Variants in CADPS observed in about 807,000 individuals in gnomAD.
CADPS encodes calcium dependent secretion activator.
A neutral mutation model predicts 167.3 loss-of-function variants in CADPS; 57 were observed. The ratio of observed to expected loss-of-function variants is 0.34; its 90% CI spans 0.28 to 0.42. CADPS has a LOEUF of 0.42. CADPS is among the 20% of genes least tolerant of loss of function. CADPS has a pLI of 1.00. For synonymous variants in CADPS, 676 were observed against 635.3 expected (o/e 1.06, Z -0.96); for missense variants, 1,414 against 1,738.1 (o/e 0.81, Z 3.32).
chr3:62,414,469 C>T (rs766958019), intron 28 of CADPS, among the ~76,000 whole-genome samples: 1 of 152,202 alleles, frequency 6.6e-6, no homozygotes, highest in Non-Finnish European at 1.5e-5. Flanking sequence ...ATAACTCCTA[C>T]GTGGAACAGT....
Position 62,408,924 on chromosome 3 carries a change from G to A in CADPS, c.3778-5739C>T, listed in dbSNP as rs544973666. ...AGGACTTTAGAGTCTACTGTTTTCA[G>A]CAAAGTACTATTTTGTACAGGATTC... On this transcript the variant is annotated intron_variant, in intron 28 of 29. Coordinates refer to ENST00000383710, the MANE Select transcript of CADPS (RefSeq NM_003716.4). Among the ~76,000 whole-genome samples, 10 of 152,308 alleles carry A rather than the reference G, an allele frequency of 6.6e-5. No homozygotes were observed. The East Asian group carries it at 1.9e-3, about 29-fold the overall frequency.
chr3:62,649,021 C>T (rs1376479377), intron 5 of CADPS, among the ~76,000 whole-genome samples: 2 of 152,254 alleles, frequency 1.3e-5, no homozygotes, highest in Middle Eastern at 3.4e-3. Flanking sequence ...AAACTTAGCA[C>T]AGAAAAACAA....
chr3:62,749,119 T>C (rs995876074), intron 3 of CADPS, among the ~76,000 whole-genome samples: 2 of 152,230 alleles, frequency 1.3e-5, no homozygotes, highest in Non-Finnish European at 2.9e-5. Flanking sequence ...CTTTGGATAT[T>C]ATGTTGAGTA....
intron 1 of CADPS, among the ~76,000 whole-genome samples, chr3:62,869,374 T>C (rs959118338): frequency 2.6e-5 from 4 of 152,224 alleles, no homozygotes; most frequent in Non-Finnish European, 5.9e-5. Context: ...TTGTGCTGGG[T>C]TTCTGTCACT....
At chr3:62,699,878 G>A (rs536744465) in intron 3 of CADPS, among the ~76,000 whole-genome samples, 20 of 152,110 alleles carry the variant, frequency 1.3e-4, no homozygotes, top group Admixed American at 8.5e-4. Flanking sequence ...AAGTTGTATC[G>A]GAACACAGAC....
chr3:62,444,874 G>A (rs1025937152), intron 27 of CADPS, among the ~76,000 whole-genome samples: 9 of 152,106 alleles, frequency 5.9e-5, no homozygotes, highest in African/African-American at 1.2e-4. Context: ...ACTTAACCAC[G>A]TTCAGAATGA....
rs1324594615 is a variant in CADPS at position 62,478,766 on chromosome 3, A to G, written c.3174-350T>C. Among the ~76,000 whole-genome samples the G allele has an allele frequency of 1.3e-5, 2 of 152,232 alleles. No homozygotes were observed. Among genetic ancestry groups the G allele is most frequent in the Non-Finnish European group, 2.9e-5 (2 of 68,038 alleles). On this transcript the variant is annotated intron_variant, in intron 22 of 29. Coordinates refer to ENST00000383710, the MANE Select transcript of CADPS (RefSeq NM_003716.4). This position sits in a 1 kb window ranked among gnomAD's most constrained non-coding sequence, Gnocchi z 5.7. Reference sequence around the variant, plus strand: ...AAGGCCACGAACCAGGGGGAGAAATAGTCTCAACAGATAATAACTACATGG... The same window carrying G: ...AAGGCCACGAACCAGGGGGAGAAATGGTCTCAACAGATAATAACTACATGG...
chr3:62,709,486 G>A (rs1341886283), intron 3 of CADPS, among the ~76,000 whole-genome samples: 2 of 152,018 alleles, frequency 1.3e-5, no homozygotes, highest in Non-Finnish European at 2.9e-5. Context: ...ACCCTTATTG[G>A]GTTGTTGTTT....
intron 1 of CADPS, among the ~76,000 whole-genome samples, chr3:62,817,276 T>C (rs890279240): frequency 3.3e-5 from 5 of 152,160 alleles, no homozygotes; most frequent in Admixed American, 6.6e-5. Flanking sequence ...ATACACAGTA[T>C]TGAGAAAGGT....
rs1338840358 is a variant in CADPS, at chr3:62,601,354, G to A, written c.1326-8606C>T. On this transcript the variant is annotated intron_variant, in intron 6 of 29. Transcript: ENST00000383710. This position sits in a 1 kb window ranked among gnomAD's most constrained non-coding sequence, Gnocchi z 4.3. ...TGAGTAGTTATGACAGAGAATATAGGGCCAACAAACCGAAAATTTTTACTT... is the reference window on the plus strand; with the variant it reads ...TGAGTAGTTATGACAGAGAATATAGAGCCAACAAACCGAAAATTTTTACTT... 1.3e-5 allele frequency among the ~76,000 whole-genome samples: 2 copies of A among 152,022 alleles called. No individual in the cohort carries two copies. Among genetic ancestry groups the A allele is most frequent in the Non-Finnish European group, 2.9e-5 (2 of 67,990 alleles).
At chr3:62,817,671 T>C (rs1039485326) in intron 1 of CADPS, among the ~76,000 whole-genome samples, 5 of 152,204 alleles carry the variant, frequency 3.3e-5, no homozygotes, top group Admixed American at 2.6e-4. Context: ...CTCTTCTGTC[T>C]TTAAGCAGGT....
At chr3:62,747,257 T>C (rs2081656618) in intron 3 of CADPS, among the ~76,000 whole-genome samples, 1 of 152,162 alleles carries the variant, frequency 6.6e-6, no homozygotes, top group South Asian at 2.1e-4. Flanking sequence ...CAGTGAAAGA[T>C]CACTCATGCG....
At chr3:62,856,994 C>T (rs2079833172) in intron 1 of CADPS, among the ~76,000 whole-genome samples, 1 of 151,948 alleles carries the variant, frequency 6.6e-6, no homozygotes, top group South Asian at 2.1e-4. Flanking sequence ...GATTTTACTG[C>T]ATTCAAAAAT....
intron 10 of CADPS, among the ~76,000 whole-genome samples, chr3:62,556,519 A>C (rs905015428): frequency 6.6e-6 from 1 of 152,202 alleles, no homozygotes; most frequent in Non-Finnish European, 1.5e-5. Context: ...TTTGGGCCAA[A>C]TAATGCAGTA....
Position 62,544,284 on chromosome 3 carries a change from T to C in CADPS, c.1966+5619A>G, listed in dbSNP as rs2076137875. 1.3e-5 allele frequency among the ~76,000 whole-genome samples: 2 copies of C among 152,168 alleles called. No individual in the cohort carries two copies. Among genetic ancestry groups the C allele is most frequent in the Non-Finnish European group, 2.9e-5 (2 of 68,032 alleles). ...TTAGTGTTCAAATAATGCATTTGCT[T>C]TCTTAATTGTATTTTGCAATTTCTT... On this transcript the variant is annotated intron_variant, in intron 11 of 29. Transcript: ENST00000383710. This position sits in a 1 kb window ranked among gnomAD's most constrained non-coding sequence, Gnocchi z 4.4.
chr3:62,604,881 C>T (rs147688283), intron 6 of CADPS, among the ~76,000 whole-genome samples: 1 of 152,312 alleles, frequency 6.6e-6, no homozygotes, highest in Admixed American at 6.5e-5. Context: ...AAAGGAGCTC[C>T]TATGAAGTTA....
rs150390139 is a variant in CADPS at position 62,725,194 on chromosome 3, A to G, written c.888+28247T>C. ...AAATCTAGTAGAACTGTCTCGAATG[A>G]TGGGAATAGTCCACACCTGCACTGT... On this transcript the variant is annotated intron_variant, in intron 3 of 29. Transcript: ENST00000383710. Among the ~76,000 whole-genome samples, 52 of 152,312 alleles carry G rather than the reference A, an allele frequency of 3.4e-4. No homozygotes were observed. In the East Asian group the frequency reaches 9.5e-3, roughly 28 times the overall value.
At chr3:62,541,481 T>C (rs1278182295) in intron 11 of CADPS, among the ~76,000 whole-genome samples, 4 of 152,186 alleles carry the variant, frequency 2.6e-5, no homozygotes. Flanking sequence ...TTTCAAGCAC[T>C]GTCAATGGTT....
At position 62,718,498 on chromosome 3, in the gene CADPS, G is replaced by A. The variant is rs540576497; in HGVS notation, c.888+34943C>T. On this transcript the variant is annotated intron_variant, in intron 3 of 29. Transcript: ENST00000383710. ...CCAAAGGGCAAAATCTAAGCTTCTT[G>A]TCTTCTGTAGCATAGCCAGGTGGTA... is the stretch of plus-strand genomic sequence containing the variant. Among the ~76,000 whole-genome samples the A allele has an allele frequency of 9.9e-5, 15 of 152,282 alleles. 1 individual carries two copies. The South Asian group carries it at 2.9e-3, about 30-fold the overall frequency.
Sources: gnomAD v4.1 joint callset for allele counts (sites outside exome capture counted in the v4.1 genomes callset) on GRCh38, gnomAD v4.1.1 for gene constraint, Gnocchi (gnomAD v3.1) non-coding constraint, MANE v1.5 for transcripts, NCBI Gene and HGNC (gene_info 2026-07-23, HGNC 2026-07-21) for gene names.